DLG2: variants seen among roughly 807,000 people sequenced by gnomAD.
DLG2 encodes the protein disks large homolog 2.
Under a neutral mutation model 132.5 loss-of-function variants are expected in DLG2, and 45 were observed. The observed-to-expected ratio is 0.34, with a 90% CI of 0.27 to 0.44. The LOEUF (loss-of-function observed/expected upper bound fraction) is 0.44, where lower values mean the gene tolerates loss of function less well. Among genes scored for constraint, DLG2 ranks in the 20% least tolerant of loss-of-function variants. The pLI is 1.00. For missense variants in DLG2, 1,045 were observed against 1,196.9 expected (o/e 0.87, Z 1.87); for synonymous variants, 424 against 419.6 (o/e 1.01, Z -0.13).
At chr11:83,896,429 C>T (rs908596953) in intron 15 of DLG2, among the ~76,000 whole-genome samples, 1 of 152,172 alleles carries the variant, frequency 6.6e-6, no homozygotes, top group Non-Finnish European at 1.5e-5. Context: ...TCTTAATCTG[C>T]CCACATAAAG....
intron 6 of DLG2, among the ~76,000 whole-genome samples, chr11:84,823,318 T>C (rs1214202699): frequency 1.3e-5 from 2 of 151,848 alleles, no homozygotes; most frequent in Non-Finnish European, 2.9e-5. Flanking sequence ...TTTCTATATA[T>C]AATAAGAATA....
chr11:85,397,706 A>G (rs1331230588), intron 3 of DLG2, among the ~76,000 whole-genome samples: 1 of 152,210 alleles, frequency 6.6e-6, no homozygotes, highest in African/African-American at 2.4e-5. Flanking sequence ...TGGTAAAAGG[A>G]TCAATTCAGC....
rs531794592 is a variant in DLG2 at position 84,766,668 on chromosome 11, A to G, written c.358-231937T>C. Among the ~76,000 whole-genome samples the G allele has an allele frequency of 5.3e-4, 81 of 152,164 alleles. 1 individual carries two copies. In the South Asian group the frequency reaches 0.015, roughly 28 times the overall value. On this transcript the variant is annotated intron_variant, in intron 6 of 27. Coordinates refer to ENST00000376104, the MANE Select transcript of DLG2 (RefSeq NM_001142699.3). ...AATCATTCATTACTTCAGTGCTTTC[A>G]TTGTATTTAATCATTCACTTTTTAA...
chr11:85,413,062 C>A (rs182145492), intron 3 of DLG2, among the ~76,000 whole-genome samples: 19 of 151,828 alleles, frequency 1.3e-4, no homozygotes, highest in Middle Eastern at 3.4e-3. Flanking sequence ...CACCGCATCC[C>A]TGCCAATATC....
chr11:84,867,986 A>G (rs1819567074), intron 6 of DLG2, among the ~76,000 whole-genome samples: 1 of 151,942 alleles, frequency 6.6e-6, no homozygotes, highest in African/African-American at 2.4e-5. Flanking sequence ...AGGCAGGAGA[A>G]TGGCGTGAAC....
chr11:85,575,361 C>T (rs1476442928), intron 3 of DLG2, among the ~76,000 whole-genome samples: 1 of 151,646 alleles, frequency 6.6e-6, no homozygotes, highest in Non-Finnish European at 1.5e-5. Flanking sequence ...CATAGGGAGA[C>T]CCCATCTCTA....
chr11:84,502,366 CTTTCTT>C (rs2099220316), intron 7 of DLG2, among the ~76,000 whole-genome samples: 1 of 76,374 alleles, frequency 1.3e-5, no homozygotes, highest in Non-Finnish European at 2.4e-5. Flanking sequence ...TTCTTTCTTT[CTTTCTT>C]TCTTTCTTTC....
intron 8 of DLG2, among the ~76,000 whole-genome samples, chr11:84,215,313 A>T (rs765757505): frequency 1.2e-4 from 19 of 152,218 alleles, no homozygotes; most frequent in Non-Finnish European, 2.4e-4. Context: ...ATAATCCAGA[A>T]ATCTAGTAAA....
intron 24 of DLG2, 147 bp from the exon 25 acceptor site, chr11:83,469,520 C>T (rs1247543844): frequency 5.1e-6 from 3 of 592,208 alleles, no homozygotes; most frequent in Non-Finnish European, 8.5e-6. Flanking sequence ...ACTAGTCTTA[C>T]CCTCCCACCA....
Position 85,596,085 on chromosome 11 carries a change from G to A in DLG2, c.40+2572C>T, listed in dbSNP as rs529714562. On this transcript the variant is annotated intron_variant, in intron 3 of 27. Transcript: ENST00000376104. Reference sequence around the variant, plus strand: ...CTGGGAAACATAGCGAGACCCCATCGCTACTAAGAATTGAAAAATAAGGGT... The same window carrying A: ...CTGGGAAACATAGCGAGACCCCATCACTACTAAGAATTGAAAAATAAGGGT... 2.0e-4 allele frequency among the ~76,000 whole-genome samples: 31 copies of A among 151,962 alleles called. No homozygotes were observed. The South Asian group carries it at 4.4e-3, about 21-fold the overall frequency.
intron 4 of DLG2, among the ~76,000 whole-genome samples, chr11:85,272,125 C>T (rs1458347902): frequency 6.6e-6 from 1 of 152,062 alleles, no homozygotes; most frequent in Admixed American, 6.6e-5. Flanking sequence ...GCAGGTCTTT[C>T]CCATGCTATT....
intron 3 of DLG2, among the ~76,000 whole-genome samples, chr11:85,569,764 T>G (rs182410638): frequency 1.1e-3 from 166 of 152,292 alleles, no homozygotes; most frequent in African/African-American, 3.8e-3. Flanking sequence ...TTATATGCTG[T>G]TGGTGGGAAT....
intron 14 of DLG2, among the ~76,000 whole-genome samples, chr11:83,940,852 C>A (rs1049925525): frequency 6.6e-6 from 1 of 152,102 alleles, no homozygotes; most frequent in Non-Finnish European, 1.5e-5. Context: ...TAGGGCCTTA[C>A]GAGTATTAGA....
At chr11:85,420,965 C>T (rs907262765) in intron 3 of DLG2, among the ~76,000 whole-genome samples, 1 of 152,054 alleles carries the variant, frequency 6.6e-6, no homozygotes, top group African/African-American at 2.4e-5. Flanking sequence ...TGTTGGCATT[C>T]CAGGTGCCAT....
At chr11:85,220,637 A>AAAAAATATAT (rs371263007) in intron 4 of DLG2, among the ~76,000 whole-genome samples, 56 of 148,314 alleles carry the variant, frequency 3.8e-4, no homozygotes, top group South Asian at 6.4e-4. Flanking sequence ...TAGAAAAAAA[A>AAAAAATATAT]ATATATATAT....
intron 3 of DLG2, among the ~76,000 whole-genome samples, chr11:85,348,363 C>A (rs891832346): frequency 6.6e-6 from 1 of 151,800 alleles, no homozygotes; most frequent in African/African-American, 2.4e-5. Flanking sequence ...GCTGGGACTA[C>A]AGGCCCGCAC....
At chr11:83,591,292 T>C (rs373963615) in intron 19 of DLG2, among the ~76,000 whole-genome samples, 4 of 129,980 alleles carry the variant, frequency 3.1e-5, no homozygotes, top group South Asian at 2.9e-4. Flanking sequence ...GCTTATCCAC[T>C]ATGATCAAGT....
At chr11:83,989,760 A>G (rs1358946080) in intron 11 of DLG2, among the ~76,000 whole-genome samples, 1 of 152,196 alleles carries the variant, frequency 6.6e-6, no homozygotes, top group Non-Finnish European at 1.5e-5. Context: ...CAAAACATGT[A>G]TTTATGATAC....
At chr11:84,394,477 C>T (rs980980201) in intron 7 of DLG2, among the ~76,000 whole-genome samples, 1 of 151,930 alleles carries the variant, frequency 6.6e-6, no homozygotes, top group Non-Finnish European at 1.5e-5. Context: ...GCCACCTTAC[C>T]ACTCTTCTAT....
Sources: allele counts gnomAD v4.1 joint callset (sites outside exome capture counted in the v4.1 genomes callset), GRCh38; gene constraint gnomAD v4.1.1; transcripts MANE v1.5; gene names NCBI Gene and HGNC (gene_info 2026-07-23, HGNC 2026-07-21).